Variants in DNAJC1 observed in about 807,000 individuals in gnomAD.
DNAJC1 encodes DnaJ heat shock protein family (Hsp40) member C1.
DNAJC1 carries 58 observed loss-of-function variants against 76.6 expected under a neutral mutation model. That is an observed-to-expected ratio of 0.76 (90% confidence interval 0.61 to 0.94). The LOEUF (loss-of-function observed/expected upper bound fraction) is 0.94. Ranked by LOEUF, DNAJC1 falls within the 40% of genes least tolerant of loss-of-function variation. DNAJC1 has a pLI of 0.00. For synonymous variants in DNAJC1, 258 were observed against 267.9 expected (o/e 0.96, Z 0.36); for missense variants, 689 against 677.3 (o/e 1.02, Z -0.19).
chr10:21,874,245 G>A (rs774603726), intron 8 of DNAJC1, among the ~76,000 whole-genome samples: 10 of 151,898 alleles, frequency 6.6e-5, no homozygotes, highest in African/African-American at 1.9e-4. Context: ...GTGAGATGCC[G>A]TCCAAACAAA....
chr10:21,930,920 A>G (rs1488804348), intron 1 of DNAJC1, among the ~76,000 whole-genome samples: 1 of 152,196 alleles, frequency 6.6e-6, no homozygotes, highest in East Asian at 1.9e-4. Flanking sequence ...TTTCATACAA[A>G]ATAATAGCTA....
At chr10:21,862,844 A>C (rs912956916) in intron 8 of DNAJC1, among the ~76,000 whole-genome samples, 7 of 152,124 alleles carry the variant, frequency 4.6e-5, no homozygotes, top group African/African-American at 7.3e-5. Flanking sequence ...TAGAAAAGGA[A>C]GACCAAGGCT....
chr10:21,770,555 G>A (rs1589973577), intron 9 of DNAJC1, among the ~76,000 whole-genome samples: 2 of 152,086 alleles, frequency 1.3e-5, no homozygotes, highest in Non-Finnish European at 2.9e-5. Flanking sequence ...GTGCCAAGAT[G>A]CCCGGCTAAT....
intron 9 of DNAJC1, among the ~76,000 whole-genome samples, chr10:21,767,193 T>C (rs573670750): frequency 9.9e-5 from 15 of 152,256 alleles, no homozygotes; most frequent in South Asian, 2.1e-4. Flanking sequence ...GAGATTGACA[T>C]TGGAGGAAGA....
chr10:21,930,265 G>A (rs1190379227), intron 1 of DNAJC1, among the ~76,000 whole-genome samples: 2 of 152,148 alleles, frequency 1.3e-5, no homozygotes, highest in South Asian at 2.1e-4. Context: ...GTGAGCCACC[G>A]CGCCTGGCTG....
chr10:21,860,488 C>T (rs921741744), intron 8 of DNAJC1, among the ~76,000 whole-genome samples: 6 of 151,932 alleles, frequency 3.9e-5, no homozygotes, highest in African/African-American at 1.2e-4. Flanking sequence ...GTCAGGAGTT[C>T]GAGACCAGCC....
At chr10:21,886,774 C>T (rs1191053256) in intron 7 of DNAJC1, among the ~76,000 whole-genome samples, 1 of 151,714 alleles carries the variant, frequency 6.6e-6, no homozygotes, top group East Asian at 1.9e-4. Flanking sequence ...AATTCAACAC[C>T]CCTTTATGTT....
At chr10:21,963,185 T>C (rs1476684409) in intron 1 of DNAJC1, among the ~76,000 whole-genome samples, 1 of 152,180 alleles carries the variant, frequency 6.6e-6, no homozygotes, top group Admixed American at 6.5e-5. Context: ...TACACAGAAA[T>C]ATGCATATGT....
At chr10:21,898,613 C>T (rs942118128) in intron 7 of DNAJC1, among the ~76,000 whole-genome samples, 7 of 148,840 alleles carry the variant, frequency 4.7e-5, no homozygotes, top group Non-Finnish European at 8.9e-5. Flanking sequence ...AGTGCAATGG[C>T]GCGATCTTGG....
chr10:21,872,070 C>G (rs1320279777), intron 8 of DNAJC1, among the ~76,000 whole-genome samples: 2 of 150,140 alleles, frequency 1.3e-5, no homozygotes, highest in African/African-American at 4.9e-5. Flanking sequence ...AACGTTAAAT[C>G]ATCTTTTTTT....
chr10:21,927,384 T>C (rs950533532), intron 3 of DNAJC1, among the ~76,000 whole-genome samples: 3 of 152,218 alleles, frequency 2.0e-5, no homozygotes, highest in African/African-American at 7.2e-5. Flanking sequence ...GAATGTAACA[T>C]AGCACAATTT....
At chr10:21,783,284 G>A (rs1834557618) in intron 9 of DNAJC1, among the ~76,000 whole-genome samples, 1 of 152,264 alleles carries the variant, frequency 6.6e-6, no homozygotes, top group Admixed American at 6.5e-5. Flanking sequence ...CAAATCATGA[G>A]TGAACACCCA....
intron 9 of DNAJC1, among the ~76,000 whole-genome samples, chr10:21,777,864 G>A (rs541921007): frequency 3.9e-5 from 6 of 152,260 alleles, no homozygotes; most frequent in East Asian, 3.9e-4. Context: ...TCATAAGACT[G>A]TCACATTTCA....
At chr10:21,848,862 A>T (rs372813161) in intron 8 of DNAJC1, among the ~76,000 whole-genome samples, 3 of 152,360 alleles carry the variant, frequency 2.0e-5, no homozygotes, top group African/African-American at 7.2e-5. Context: ...GTGGATATTA[A>T]AACACTCTTA....
intron 3 of DNAJC1, among the ~76,000 whole-genome samples, chr10:21,922,525 T>A (rs1302956538): frequency 6.6e-6 from 1 of 151,870 alleles, no homozygotes; most frequent in African/African-American, 2.4e-5. Flanking sequence ...ACCAGAAAAA[T>A]TTGGTGCTAT....
intron 2 of DNAJC1, 68 bp downstream of exon 2, chr10:21,928,972 A>G (rs1160590689): frequency 4.2e-6 from 4 of 963,084 alleles, no homozygotes; most frequent in Middle Eastern, 2.8e-4. Flanking sequence ...ATATAAGTGA[A>G]TATTTCTACC....
chr10:21,962,157 A>AT (rs1837804980), intron 1 of DNAJC1, among the ~76,000 whole-genome samples: 1 of 152,072 alleles, frequency 6.6e-6, no homozygotes, highest in African/African-American at 2.4e-5. Flanking sequence ...CATAATACAT[A>AT]TTTTTTATTT....
chr10:21,858,272 A>C (rs781316749), intron 8 of DNAJC1, among the ~76,000 whole-genome samples: 1 of 152,238 alleles, frequency 6.6e-6, no homozygotes, highest in Non-Finnish European at 1.5e-5. Flanking sequence ...CTGAGAAAGT[A>C]AATTTTTATA....
chr10:21,852,533 A>C (rs1835772573), intron 8 of DNAJC1, among the ~76,000 whole-genome samples: 1 of 152,226 alleles, frequency 6.6e-6, no homozygotes, highest in African/African-American at 2.4e-5. Context: ...CCTCATTGTG[A>C]GATCCACCAG....
Sources: allele counts gnomAD v4.1 joint callset (sites outside exome capture counted in the v4.1 genomes callset), GRCh38; gene constraint gnomAD v4.1.1; transcripts MANE v1.5; gene names NCBI Gene and HGNC (gene_info 2026-07-23, HGNC 2026-07-21).